Variants in TMEM232 observed in about 807,000 individuals in gnomAD.
The protein encoded by TMEM232 is transmembrane protein 232.
Under a neutral mutation model 78.8 loss-of-function variants are expected in TMEM232, and 80 were observed. The observed-to-expected ratio is 1.01, with a 90% CI of 0.85 to 1.22. The LOEUF (loss-of-function observed/expected upper bound fraction) is 1.22, where lower values mean the gene tolerates loss of function less well. TMEM232 is among the 50% of genes most tolerant of loss of function. The probability of loss-of-function intolerance (pLI) is 0.00; values close to 1 mark genes in which losing one functional copy is unlikely to be tolerated. For synonymous variants in TMEM232, 297 were observed against 254.3 expected (o/e 1.17, Z -1.60); for missense variants, 881 against 742.2 (o/e 1.19, Z -2.17).
intron 2 of TMEM232, among the ~76,000 whole-genome samples, chr5:110,660,525 G>A (rs549560172): frequency 6.6e-6 from 1 of 151,910 alleles, no homozygotes; most frequent in Non-Finnish European, 1.5e-5. Context: ...TGGCAAACAG[G>A]AAATAAAATA....
intron 11 of TMEM232, among the ~76,000 whole-genome samples, chr5:110,550,296 A>G (rs1163431424): frequency 6.6e-6 from 1 of 152,184 alleles, no homozygotes; most frequent in Non-Finnish European, 1.5e-5. Context: ...TTGAGTTTTA[A>G]TTTATGGGAG....
At chr5:110,457,345 T>C (rs927110398) in intron 12 of TMEM232, among the ~76,000 whole-genome samples, 1 of 152,074 alleles carries the variant, frequency 6.6e-6, no homozygotes, top group Non-Finnish European at 1.5e-5. Flanking sequence ...ATGGCTACAG[T>C]TAACAAACAA....
intron 11 of TMEM232, among the ~76,000 whole-genome samples, chr5:110,550,474 A>C (rs1328623933): frequency 1.3e-5 from 2 of 152,128 alleles, no homozygotes; most frequent in African/African-American, 4.8e-5. Flanking sequence ...AAAAAACATG[A>C]ATTTTTATGT....
At chr5:110,394,632 G>A (rs1201085724) in intron 3 of TMEM232, among the ~76,000 whole-genome samples, 1 of 152,052 alleles carries the variant, frequency 6.6e-6, no homozygotes, top group Non-Finnish European at 1.5e-5. Context: ...CGTCTGTTGG[G>A]TCACAACTGT....
rs1398699629 is a variant in TMEM232, at chr5:110,605,117, G to C, written c.1268C>G (p.Ser423Ter). The change falls in exon 10 of 14, where the codon TCA becomes TGA. Residue 423 changes from serine to a stop codon, truncating the protein, a stop_gained. Transcript: ENST00000455884. LOFTEE classifies it high-confidence loss of function. ...SLLEYFSSKMSENCDQVVWTG... is the reference protein window; with the variant it reads ...SLLEYFSSKM ...AAAAACAATCTACTTACAGTTCTCT[G>C]ACATTTTTGAAGAGAAATATTCCAA... 6.5e-7 allele frequency: 1 copy of C among 1,541,124 alleles called. No homozygotes were observed. Among genetic ancestry groups the C allele is most frequent in the Non-Finnish European group, 8.8e-7 (1 of 1,141,368 alleles).
At chr5:110,398,402 A>G (rs1755471625) in intron 2 of TMEM232, among the ~76,000 whole-genome samples, 1 of 152,278 alleles carries the variant, frequency 6.6e-6, no homozygotes, top group East Asian at 1.9e-4. Flanking sequence ...CGTGAGGTCT[A>G]TTTAAGTATC....
intron 12 of TMEM232, among the ~76,000 whole-genome samples, chr5:110,507,765 C>T (rs190233770): frequency 5.9e-5 from 9 of 152,264 alleles, no homozygotes; most frequent in African/African-American, 1.9e-4. Context: ...GACCCTCAGG[C>T]ATTTGAGAAC....
intron 12 of TMEM232, among the ~76,000 whole-genome samples, chr5:110,426,856 A>G (rs1160737066): frequency 6.6e-6 from 1 of 152,064 alleles, no homozygotes; most frequent in Non-Finnish European, 1.5e-5. Flanking sequence ...CAAATGCTAT[A>G]AAAAGATAAA....
chr5:110,497,412 A>G (rs1478251865), intron 12 of TMEM232, among the ~76,000 whole-genome samples: 1 of 152,150 alleles, frequency 6.6e-6, no homozygotes, highest in African/African-American at 2.4e-5. Flanking sequence ...GTAGACTTGC[A>G]TAAAAGAGCA....
chr5:110,665,365 T>G (rs1426504483), intron 2 of TMEM232, among the ~76,000 whole-genome samples: 2 of 152,174 alleles, frequency 1.3e-5, no homozygotes, highest in African/African-American at 2.4e-5. Context: ...TCTGTATTAG[T>G]CCGTTCTCAC....
intron 11 of TMEM232, among the ~76,000 whole-genome samples, chr5:110,531,343 G>T (rs886374339): frequency 1.3e-5 from 2 of 152,184 alleles, no homozygotes; most frequent in Admixed American, 1.3e-4. Flanking sequence ...ATTTGGTGCT[G>T]TGACTCGGAT....
chr5:110,438,003 C>T (rs1393742341), intron 12 of TMEM232, among the ~76,000 whole-genome samples: 1 of 152,094 alleles, frequency 6.6e-6, no homozygotes, highest in Non-Finnish European at 1.5e-5. Context: ...GGTAGCATCT[C>T]TGTTTAGCCA....
In TMEM232 at chr5:110,393,380, TTCA is replaced by T. The variant is rs1278208474; in HGVS notation, n.391-2743_391-2741del. ...AAATTGTCCTTGAAGAATTGACCTC[TTCA>T]TCATCATGTAATATACCTCTCTATC... On this transcript the variant is annotated intron_variant and non_coding_transcript_variant, in intron 3 of 8. Coordinates refer to the TMEM232 transcript ENST00000507188. 7.9e-5 allele frequency among the ~76,000 whole-genome samples: 12 copies of T among 152,228 alleles called. 1 individual carries two copies. The highest frequency in any genetic ancestry group is 7.2e-4 in the Admixed American group (11 of 15,286).
intron 2 of TMEM232, among the ~76,000 whole-genome samples, chr5:110,661,832 G>A (rs372112587): frequency 2.6e-5 from 4 of 152,056 alleles, no homozygotes; most frequent in African/African-American, 4.8e-5. Flanking sequence ...TCTAATAAAC[G>A]CCAGTTTAGT....
At chr5:110,681,232 G>A (rs776695923) in intron 1 of TMEM232, among the ~76,000 whole-genome samples, 2 of 152,162 alleles carry the variant, frequency 1.3e-5, no homozygotes, top group Non-Finnish European at 2.9e-5. Context: ...ATTTGGCCGA[G>A]GGGTGAGACT....
intron 11 of TMEM232, among the ~76,000 whole-genome samples, chr5:110,543,638 C>T (rs1175135799): frequency 2.6e-5 from 4 of 151,986 alleles, no homozygotes; most frequent in East Asian, 3.9e-4. Flanking sequence ...TGGAGGTTAA[C>T]GCAGATCATA....
intron 12 of TMEM232, among the ~76,000 whole-genome samples, chr5:110,448,955 A>T (rs1759970885): frequency 1.3e-5 from 2 of 152,046 alleles, no homozygotes; most frequent in South Asian, 4.1e-4. Context: ...AAGTGTGACT[A>T]AAACTGTCAT....
chr5:110,647,361 A>G (rs988474939), intron 2 of TMEM232, among the ~76,000 whole-genome samples: 2 of 151,974 alleles, frequency 1.3e-5, no homozygotes, highest in African/African-American at 4.8e-5. Context: ...ATTACCAACC[A>G]TAGTAATATG....
intron 9 of TMEM232, among the ~76,000 whole-genome samples, 168 bp downstream of exon 9, chr5:110,605,996 A>C (rs1197463345): frequency 4.6e-5 from 7 of 152,046 alleles, no homozygotes; most frequent in African/African-American, 1.7e-4. Context: ...AAAATGAAAA[A>C]TGTTTATGAT....
Sources: gnomAD v4.1 joint callset for allele counts (sites outside exome capture counted in the v4.1 genomes callset) on GRCh38, gnomAD v4.1.1 for gene constraint, MANE v1.5 for transcripts, NCBI Gene and HGNC (gene_info 2026-07-23, HGNC 2026-07-21) for gene names.